The following IL1RAPL1 variants were observed in gnomAD, a reference collection of about 807,000 sequenced individuals.
IL1RAPL1 encodes interleukin-1 receptor accessory protein-like 1.
A neutral mutation model predicts 48.4 loss-of-function variants in IL1RAPL1; 3 were observed. The observed-to-expected ratio is 0.06, with a 90% CI of 0.03 to 0.16. IL1RAPL1 has a LOEUF of 0.16. IL1RAPL1 is among the 10% of genes least tolerant of loss of function. The probability of loss-of-function intolerance (pLI) is 1.00; values close to 1 mark genes in which losing one functional copy is unlikely to be tolerated. For missense variants in IL1RAPL1, 349 were observed against 530.6 expected (o/e 0.66, Z 3.36); for synonymous variants, 185 against 187.7 (o/e 0.99, Z 0.12).
intron 2 of IL1RAPL1, among the ~76,000 whole-genome samples, chrX:28,971,049 A>G (rs1254804218): frequency 3.6e-5 from 4 of 111,368 alleles, no homozygotes; most frequent in African/African-American, 9.8e-5. Flanking sequence ...TAGAATTTTC[A>G]GTGTAGTTAA....
In IL1RAPL1 at chrX:29,739,295, T is replaced by C. The variant is rs1258710548; in HGVS notation, c.778+70791T>C. 3.5e-5 allele frequency among the ~76,000 whole-genome samples: 4 copies of C among 112,941 alleles called. No individual in the cohort carries two copies. The East Asian group carries it at 1.1e-3, about 31-fold the overall frequency. On this transcript the variant is annotated intron_variant, in intron 6 of 10. Transcript: ENST00000378993. Reference sequence around the variant, plus strand: ...TGAATAACAGATTATACATTTAAGATGTTAAAATGTATCATAATTTTATTA... The same window carrying C: ...TGAATAACAGATTATACATTTAAGACGTTAAAATGTATCATAATTTTATTA...
At position 28,895,479 on chromosome X, in the gene IL1RAPL1, G is replaced by A. The variant is rs750288410; in HGVS notation, c.82+106054G>A. Among the ~76,000 whole-genome samples, 13 of 105,525 alleles carry A rather than the reference G, an allele frequency of 1.2e-4. No homozygotes were observed. In the East Asian group the frequency reaches 1.5e-3, roughly 12 times the overall value. The allele number at this position is 105,525 out of a possible 115,157, so 91.6% of individuals were successfully genotyped here. ...CTTGTGGGTTAAGGTGGGGGGATACGAGAGGGGGATGCAAAGGAGGCTTTG... is the reference window on the plus strand; with the variant it reads ...CTTGTGGGTTAAGGTGGGGGGATACAAGAGGGGGATGCAAAGGAGGCTTTG... On this transcript the variant is annotated intron_variant, in intron 2 of 10. Coordinates refer to ENST00000378993, the MANE Select transcript of IL1RAPL1 (RefSeq NM_014271.4).
At chrX:29,324,996 A>C (rs1003238569) in intron 3 of IL1RAPL1, among the ~76,000 whole-genome samples, 1 of 112,161 alleles carries the variant, frequency 8.9e-6, no homozygotes, top group East Asian at 2.8e-4. Flanking sequence ...ATTGGGTTTA[A>C]CATTTTTATA....
intron 5 of IL1RAPL1, among the ~76,000 whole-genome samples, chrX:29,524,089 G>A (rs1176243720): frequency 1.8e-5 from 2 of 109,143 alleles, no homozygotes; most frequent in African/African-American, 3.3e-5. Flanking sequence ...CAACAATCAA[G>A]TCACCATTAA....
intron 2 of IL1RAPL1, among the ~76,000 whole-genome samples, chrX:29,228,815 A>G (rs1016223187): frequency 1.8e-5 from 2 of 111,027 alleles, no homozygotes; most frequent in African/African-American, 3.3e-5. Flanking sequence ...TTGTGATGCA[A>G]TTTGTTTTGT....
intron 2 of IL1RAPL1, among the ~76,000 whole-genome samples, chrX:29,225,864 G>A (rs1256603354): frequency 1.8e-5 from 2 of 111,750 alleles, no homozygotes; most frequent in African/African-American, 6.5e-5. Context: ...GAAAGGGGCA[G>A]AGAAGGAATT....
chrX:29,328,151 G>C (rs1932854586), intron 3 of IL1RAPL1, among the ~76,000 whole-genome samples: 1 of 111,657 alleles, frequency 9.0e-6, no homozygotes, highest in Admixed American at 9.5e-5. Flanking sequence ...TAATTTTTTG[G>C]TATTAACCAA....
chrX:29,231,370 G>C (rs1025786988), intron 2 of IL1RAPL1, among the ~76,000 whole-genome samples: 1 of 111,759 alleles, frequency 8.9e-6, no homozygotes, highest in African/African-American at 3.3e-5. Flanking sequence ...CCACCCCGCT[G>C]AGTTCGCTGA....
intron 3 of IL1RAPL1, among the ~76,000 whole-genome samples, chrX:29,349,672 T>A (rs1933197036): frequency 9.0e-6 from 1 of 111,340 alleles, no homozygotes; most frequent in Admixed American, 9.6e-5. Context: ...TCTAAAGTTC[T>A]TTCCCTTTGA....
intron 5 of IL1RAPL1, among the ~76,000 whole-genome samples, chrX:29,520,830 C>T (rs1424125607): frequency 2.7e-5 from 3 of 111,109 alleles, no homozygotes; most frequent in Non-Finnish European, 5.7e-5. Context: ...GCTTTAGTCA[C>T]TAGGCTATGA....
intron 6 of IL1RAPL1, among the ~76,000 whole-genome samples, chrX:29,788,248 C>T (rs1057414252): frequency 5.4e-5 from 6 of 111,608 alleles, no homozygotes; most frequent in Non-Finnish European, 9.4e-5. Context: ...CTTTTAGGGA[C>T]GTGTGCTACG....
chrX:29,200,189 G>A (rs1448961205), intron 2 of IL1RAPL1, among the ~76,000 whole-genome samples: 1 of 111,358 alleles, frequency 9.0e-6, no homozygotes, highest in Non-Finnish European at 1.9e-5. Flanking sequence ...TCAGGTCTAT[G>A]TTATAAGAAA....
At chrX:28,881,069 A>C (rs1252031729) in intron 2 of IL1RAPL1, among the ~76,000 whole-genome samples, 3 of 111,051 alleles carry the variant, frequency 2.7e-5, no homozygotes, top group Non-Finnish European at 5.7e-5. Context: ...CAAGATGCCC[A>C]ATGATTTGCT....
intron 2 of IL1RAPL1, among the ~76,000 whole-genome samples, chrX:28,874,254 A>G (rs1192522346): frequency 1.8e-5 from 2 of 112,309 alleles, no homozygotes; most frequent in Non-Finnish European, 3.8e-5. Flanking sequence ...TCAATGAAAT[A>G]TGGAAAGTGT....
At chrX:29,479,610 A>C (rs767672901) in intron 5 of IL1RAPL1, among the ~76,000 whole-genome samples, 1 of 108,567 alleles carries the variant, frequency 9.2e-6, no homozygotes, top group African/African-American at 3.4e-5. Flanking sequence ...CTGAAATTTT[A>C]GTGCACCCAT....
rs181937726 is a variant in IL1RAPL1, at chrX:28,658,720, T to C, written c.-25+70673T>C. 8.1e-4 allele frequency among the ~76,000 whole-genome samples: 90 copies of C among 111,040 alleles called. 1 individual carries two copies. The East Asian group carries it at 0.023, about 29-fold the overall frequency. ...CCATTTAGTTGCCGTCAATAAGAAA[T>C]GTACTTGTTTTGAAAAAATCCAAAT... On this transcript the variant is annotated intron_variant, in intron 1 of 10. Coordinates refer to ENST00000378993, the MANE Select transcript of IL1RAPL1 (RefSeq NM_014271.4).
At chrX:29,022,539 T>G (rs1292192333) in intron 2 of IL1RAPL1, among the ~76,000 whole-genome samples, 1 of 111,969 alleles carries the variant, frequency 8.9e-6, no homozygotes, top group Non-Finnish European at 1.9e-5. Flanking sequence ...GTTCCAAATA[T>G]TACCTAAATA....
At position 29,571,442 on chromosome X, in the gene IL1RAPL1, T is replaced by A. The variant is rs1922595507; in HGVS notation, c.704-96988T>A. On this transcript the variant is annotated intron_variant, in intron 5 of 10. Transcript: ENST00000378993. Reference sequence around the variant, plus strand: ...AAGATTAGTTCCTAGTAGTTACTCTTTGTTAATTAACTCCCTGAAGAAACC... The same window carrying A: ...AAGATTAGTTCCTAGTAGTTACTCTATGTTAATTAACTCCCTGAAGAAACC... Among the ~76,000 whole-genome samples, 3 of 111,388 alleles carry A rather than the reference T, an allele frequency of 2.7e-5. No homozygotes were observed. In the South Asian group the frequency reaches 1.1e-3, roughly 42 times the overall value.
At chrX:29,549,535 T>C (rs1325738920) in intron 5 of IL1RAPL1, among the ~76,000 whole-genome samples, 1 of 112,108 alleles carries the variant, frequency 8.9e-6, no homozygotes, top group African/African-American at 3.2e-5. Context: ...ACATAGTATA[T>C]ATAGGCTTCA....
Sources: allele counts gnomAD v4.1 joint callset (sites outside exome capture counted in the v4.1 genomes callset), GRCh38; gene constraint gnomAD v4.1.1; transcripts MANE v1.5; gene names NCBI Gene and HGNC (gene_info 2026-07-23, HGNC 2026-07-21).